Variants in ATP8A2 observed in about 807,000 individuals in gnomAD.
ATP8A2 encodes phospholipid-transporting ATPase IB.
In ATP8A2, 100 loss-of-function variants were observed where a neutral mutation model predicts 165.6. That is an observed-to-expected ratio of 0.60 (90% CI 0.51 to 0.71). The LOEUF is 0.71. ATP8A2 is among the 30% of genes least tolerant of loss of function. The pLI, the probability that ATP8A2 is intolerant of heterozygous loss-of-function variation, is 0.00. For synonymous variants in ATP8A2, 543 were observed against 548.8 expected (o/e 0.99, Z 0.15); for missense variants, 1,227 against 1,479.5 (o/e 0.83, Z 2.80).
chr13:25,545,572 C>G (rs2038623019), intron 10 of ATP8A2, among the ~76,000 whole-genome samples: 1 of 152,154 alleles, frequency 6.6e-6, no homozygotes, highest in Non-Finnish European at 1.5e-5. Flanking sequence ...AGTGCAGTGT[C>G]AGTAACCCTT....
rs2038066250 is a variant in ATP8A2, at chr13:25,531,309, TATATATGTTATATA to T, written c.420+650_420+663del. 3.2e-5 allele frequency among the ~76,000 whole-genome samples: 4 copies of T among 124,422 alleles called. No homozygotes were observed. In the East Asian group the frequency reaches 6.2e-4, roughly 19 times the overall value. 81.6% of individuals were successfully genotyped at this position (124,422 alleles called of 152,430 possible). ...TATATGATATATATGTTATATATGATATATATGTTATATATGATATATATATGTTATATATGATA... is the reference window on the plus strand; with the variant it reads ...TATATGATATATATGTTATATATGATTGATATATATATGTTATATATGATA... On this transcript the variant is annotated intron_variant, in intron 4 of 36. Transcript: ENST00000381655.
chr13:25,412,428 C>T (rs772888541), intron 1 of ATP8A2, among the ~76,000 whole-genome samples: 22 of 152,104 alleles, frequency 1.4e-4, no homozygotes, highest in Non-Finnish European at 2.6e-4. Flanking sequence ...ATGGAGGGCA[C>T]GCATCTGATT....
At chr13:25,475,091 A>T (rs991085348) in intron 2 of ATP8A2, among the ~76,000 whole-genome samples, 1 of 152,030 alleles carries the variant, frequency 6.6e-6, no homozygotes, top group African/African-American at 2.4e-5. Context: ...AAGTGCTGGG[A>T]TTACAGGTGT....
chr13:25,947,744 G>A (rs1036330581), intron 33 of ATP8A2, among the ~76,000 whole-genome samples: 1 of 152,202 alleles, frequency 6.6e-6, no homozygotes, highest in African/African-American at 2.4e-5. Context: ...CGTGACTCAA[G>A]CAGACACCGT....
intron 1 of ATP8A2, among the ~76,000 whole-genome samples, chr13:25,445,558 T>G (rs879616676): frequency 4.5e-4 from 69 of 152,316 alleles, no homozygotes; most frequent in Admixed American, 3.7e-3. Flanking sequence ...AAATATTGAT[T>G]TTTAAAAAAA....
chr13:26,007,128 G>C (rs1566347147), intron 35 of ATP8A2, among the ~76,000 whole-genome samples: 1 of 151,698 alleles, frequency 6.6e-6, no homozygotes, highest in Non-Finnish European at 1.5e-5. Flanking sequence ...CTTTGTTTTT[G>C]TGAACAGATA....
At chr13:25,578,164 T>C (rs2039669939) in intron 20 of ATP8A2, among the ~76,000 whole-genome samples, 1 of 152,226 alleles carries the variant, frequency 6.6e-6, no homozygotes, top group Non-Finnish European at 1.5e-5. Context: ...TACGAAAATG[T>C]TGCAAAGGTG....
At chr13:25,932,278 T>C (rs1954788552) in intron 33 of ATP8A2, among the ~76,000 whole-genome samples, 1 of 152,130 alleles carries the variant, frequency 6.6e-6, no homozygotes, top group Non-Finnish European at 1.5e-5. Context: ...AGCACCTACC[T>C]CCAGTCTCTT....
intron 24 of ATP8A2, among the ~76,000 whole-genome samples, chr13:25,647,846 C>T (rs1015424366): frequency 9.2e-5 from 14 of 151,928 alleles, no homozygotes; most frequent in Non-Finnish European, 1.9e-4. Flanking sequence ...CCACCATGCC[C>T]GGCTAAATTT....
intron 24 of ATP8A2, among the ~76,000 whole-genome samples, chr13:25,591,583 C>CTTT (rs749798935): frequency 5.3e-5 from 7 of 131,832 alleles, no homozygotes; most frequent in African/African-American, 8.6e-5. Flanking sequence ...TAGCTTATAA[C>CTTT]TTTTTTTTTT....
chr13:25,575,258 T>C (rs1270045287), intron 19 of ATP8A2, among the ~76,000 whole-genome samples: 1 of 152,212 alleles, frequency 6.6e-6, no homozygotes, highest in Non-Finnish European at 1.5e-5. Context: ...TCTGAGAAAC[T>C]GACAAATGAT....
chr13:25,937,028 C>T (rs1188456911), intron 33 of ATP8A2, among the ~76,000 whole-genome samples: 1 of 152,180 alleles, frequency 6.6e-6, no homozygotes, highest in Non-Finnish European at 1.5e-5. Flanking sequence ...TGAACCTAAG[C>T]TTTGCACTCC....
chr13:25,745,877 G>C (rs1038693187), intron 25 of ATP8A2, among the ~76,000 whole-genome samples: 1 of 152,130 alleles, frequency 6.6e-6, no homozygotes, highest in Non-Finnish European at 1.5e-5. Context: ...TGCCAAAAAT[G>C]GTATTTTAGT....
At chr13:25,830,642 A>G (rs776489878) in intron 28 of ATP8A2, among the ~76,000 whole-genome samples, 4 of 152,232 alleles carry the variant, frequency 2.6e-5, no homozygotes, top group Admixed American at 2.6e-4. Flanking sequence ...AAATAGAAAT[A>G]TAGAGAAAAG....
intron 2 of ATP8A2, among the ~76,000 whole-genome samples, chr13:25,507,264 TATTTTG>T (rs2037078259): frequency 7.6e-5 from 1 of 13,152 alleles, no homozygotes; most frequent in Admixed American, 8.7e-4. Context: ...TGTGTGTGTG[TATTTTG>T]TTGTTGTTGT....
intron 24 of ATP8A2, among the ~76,000 whole-genome samples, chr13:25,622,205 C>CAA (rs66680708): frequency 0.01 from 1,276 of 124,792 alleles, 11 homozygotes; most frequent in Non-Finnish European, 0.013. Flanking sequence ...GACTCTGTCT[C>CAA]AAAAAAAAAA....
At chr13:25,793,670 T>A (rs79442573) in intron 27 of ATP8A2, among the ~76,000 whole-genome samples, 3 of 145,676 alleles carry the variant, frequency 2.1e-5, no homozygotes, top group African/African-American at 5.1e-5. Flanking sequence ...TGTTTTTTTT[T>A]ATCTTTACTG....
At position 25,544,573 on chromosome 13, in the gene ATP8A2, C is replaced by T. The variant is rs367565932; in HGVS notation, c.891+1171C>T. 1.2e-3 allele frequency among the ~76,000 whole-genome samples: 185 copies of T among 152,256 alleles called. 1 individual carries two copies. The highest frequency in any genetic ancestry group is 3.7e-3 in the African/African-American group (152 of 41,532). On this transcript the variant is annotated intron_variant, in intron 10 of 36. Transcript: ENST00000381655. ...GAGGATTGTTGGAGTTGCTGAGTGA[C>T]AGGCTGATCAGTGGGTAGAATCTTG... is the stretch of plus-strand genomic sequence containing the variant.
chr13:25,494,240 C>G (rs1194893438), intron 2 of ATP8A2, among the ~76,000 whole-genome samples: 1 of 152,086 alleles, frequency 6.6e-6, no homozygotes, highest in Non-Finnish European at 1.5e-5. Flanking sequence ...GAATAATGTA[C>G]TTCCGTTTCT....
Sources: gnomAD v4.1 joint callset for allele counts (sites outside exome capture counted in the v4.1 genomes callset) on GRCh38, gnomAD v4.1.1 for gene constraint, MANE v1.5 for transcripts, NCBI Gene and HGNC (gene_info 2026-07-23, HGNC 2026-07-21) for gene names.